The following CACNA1I variants were observed in gnomAD, a reference collection of about 807,000 sequenced individuals.
CACNA1I encodes voltage-dependent T-type calcium channel subunit alpha-1I.
Under a neutral mutation model 201.6 loss-of-function variants are expected in CACNA1I, and 74 were observed. The ratio of observed to expected loss-of-function variants is 0.37; its 90% confidence interval spans 0.30 to 0.45. CACNA1I has a LOEUF of 0.45. Ranked by LOEUF, CACNA1I falls within the 20% of genes least tolerant of loss-of-function variation. The probability of loss-of-function intolerance (pLI) is 1.00; values close to 1 mark genes in which losing one functional copy is unlikely to be tolerated. For synonymous variants in CACNA1I, 1,431 were observed against 1,345.2 expected, an observed-to-expected ratio of 1.06 and a Z score of -1.40; for missense variants, 2,346 against 3,138.1, an observed-to-expected ratio of 0.75 and a Z score of 6.03.
chr22:39,637,480 G>A (rs1321624984), intron 5 of CACNA1I, among the ~76,000 whole-genome samples: 5 of 152,140 alleles, frequency 3.3e-5, no homozygotes, highest in Non-Finnish European at 7.3e-5. Flanking sequence ...CCAGCCTGGC[G>A]TTCAGGGTCA....
intron 3 of CACNA1I, among the ~76,000 whole-genome samples, chr22:39,607,860 C>G (rs1569059738): frequency 6.7e-6 from 1 of 149,688 alleles, no homozygotes; most frequent in East Asian, 1.9e-4. Flanking sequence ...TGCGGTGGCT[C>G]ACACCTGTAA....
chr22:39,634,475 C>G (rs1435412458), intron 4 of CACNA1I, 90 bp from the exon 5 acceptor site: 9 of 1,270,838 alleles, frequency 7.1e-6, no homozygotes, highest in African/African-American at 2.9e-5. Context: ...TCCCCCTCCC[C>G]CTCCCTGTTT....
At chr22:39,660,655 C>A (rs1358187713) in intron 15 of CACNA1I, among the ~76,000 whole-genome samples, 1 of 152,186 alleles carries the variant, frequency 6.6e-6, no homozygotes, top group Non-Finnish European at 1.5e-5. Context: ...ACAGGGGTAG[C>A]CGCAGCCCAC....
At chr22:39,586,896 C>A (rs968059329) in intron 1 of CACNA1I, among the ~76,000 whole-genome samples, 2 of 152,132 alleles carry the variant, frequency 1.3e-5, no homozygotes, top group Admixed American at 1.3e-4. Context: ...CAGCCCCTGC[C>A]CAGGAGTCAA....
rs900727520 is a variant in CACNA1I at position 39,685,426 on chromosome 22, A to G, written c.6028-335A>G. ...GCCAAGGCTGGGGCCGCGTCAGACC[A>G]TGGGGGGTGCGGTGGGGGTGCCACG... is the stretch of plus-strand genomic sequence containing the variant. On this transcript the variant is annotated intron_variant, in intron 36 of 36. Transcript: ENST00000402142. This position sits in a 1 kb window ranked among gnomAD's most constrained non-coding sequence, Gnocchi z 5.0. 1.6e-4 allele frequency among the ~76,000 whole-genome samples: 4 copies of G among 24,290 alleles called. No homozygotes were observed. Among genetic ancestry groups the G allele is most frequent in the Non-Finnish European group, 2.4e-4 (3 of 12,760 alleles). 15.9% of individuals were successfully genotyped at this position (24,290 alleles called of 152,430 possible).
At position 39,598,288 on chromosome 22, in the gene CACNA1I, C is replaced by CCCT; in HGVS notation, c.348+26_348+27insCCT. 17 of 1,215,202 alleles carry CCCT rather than the reference C, an allele frequency of 1.4e-5. 1 individual carries two copies. The highest frequency in any genetic ancestry group is 1.2e-4 in the South Asian group (9 of 75,900). 75.3% of individuals were successfully genotyped at this position (1,215,202 alleles called of 1,614,324 possible). ...GTGAGCCGGCCGCCCCGCCCCGCCC[C>CCCT]GCCCTGCCCTCATCCTCCAGGACCC... On this transcript the variant is annotated intron_variant, in intron 2 of 36. Transcript: ENST00000402142.
intron 5 of CACNA1I, among the ~76,000 whole-genome samples, chr22:39,639,735 C>T (rs908691722): frequency 2.0e-5 from 3 of 152,188 alleles, no homozygotes; most frequent in African/African-American, 7.2e-5. Flanking sequence ...TCCCTCCTTT[C>T]TCTGCAGGTC....
At chr22:39,682,721 G>A (rs926473803) in intron 35 of CACNA1I, 60 bp downstream of exon 35, 1 of 1,468,284 alleles carries the variant, frequency 6.8e-7, no homozygotes, top group Non-Finnish European at 9.3e-7. Flanking sequence ...CTGCTTCAGA[G>A]GGAGATGGCT....
chr22:39,677,382 C>A lies in CACNA1I; in HGVS notation c.4896C>A (p.Ile1632=). ...TCCTCTTCATGCTGCTCTTCTTCAT[C>A]TATGCTGCTCTCGGGGTGGAGCTCT... is the stretch of plus-strand genomic sequence containing the variant. ...LGLLFMLLFF[I]YAALGVELFG... is the part of the protein sequence containing the mutation. The change falls in exon 30 of 37, where the codon ATC becomes ATA. Residue 1632 remains isoleucine, a synonymous_variant. Coordinates refer to ENST00000402142, the MANE Select transcript of CACNA1I (RefSeq NM_021096.4). This position sits in a 1 kb window ranked among gnomAD's most constrained non-coding sequence, Gnocchi z 4.8. 1 of 1,598,710 alleles carries A rather than the reference C, an allele frequency of 6.3e-7. No homozygotes were observed.
intron 3 of CACNA1I, 124 bp from the exon 4 acceptor site, chr22:39,619,186 G>A (rs967244618): frequency 1.1e-5 from 8 of 729,918 alleles, no homozygotes; most frequent in Admixed American, 2.0e-5. Flanking sequence ...CTGGAGATCC[G>A]ACTGCTGTCT....
intron 7 of CACNA1I, 99 bp from the exon 8 acceptor site, chr22:39,646,470 T>C: frequency 2.8e-6 from 4 of 1,454,500 alleles, no homozygotes; most frequent in Non-Finnish European, 3.6e-6. Flanking sequence ...CCTCTCCCCA[T>C]GTCTCCCTGC....
At chr22:39,588,906 A>C (rs1348155339) in intron 1 of CACNA1I, among the ~76,000 whole-genome samples, 2 of 152,160 alleles carry the variant, frequency 1.3e-5, no homozygotes, top group Non-Finnish European at 2.9e-5. Flanking sequence ...TCTGTTTCCC[A>C]GCAGAGATCC....
At chr22:39,615,001 T>G (rs1457292902) in intron 3 of CACNA1I, among the ~76,000 whole-genome samples, 1 of 152,238 alleles carries the variant, frequency 6.6e-6, no homozygotes, top group East Asian at 1.9e-4. Flanking sequence ...AAAGTAACTG[T>G]GTAATTAGGA....
At position 39,682,660 on chromosome 22, in the gene CACNA1I, A is replaced by G. The variant is rs1439238871; in HGVS notation, c.5829A>G (p.Gln1943=). 1.9e-6 allele frequency: 3 copies of G among 1,611,440 alleles called. No homozygotes were observed. The highest frequency in any genetic ancestry group is 3.3e-5 in the Admixed American group (2 of 59,936). The change falls in exon 35 of 37, where the codon CAA becomes CAG. Residue 1943 remains glutamine, a splice_region_variant and synonymous_variant. Coordinates refer to ENST00000402142, the MANE Select transcript of CACNA1I (RefSeq NM_021096.4). ...CCTGGCTGAAACATGACAGCAGTCA[A>G]GGTGAGGGGTGGGAGCCCTGCCAGC... is the stretch of plus-strand genomic sequence containing the variant. ...VRSWLKHDSS[Q]APPSPFSPDA...
chr22:39,672,326 AT>A lies in CACNA1I; in HGVS notation c.4649+20del. The A allele has an allele frequency of 6.6e-7, 1 of 1,519,898 alleles. No homozygotes were observed. The highest frequency in any genetic ancestry group is 9.1e-7 in the Non-Finnish European group (1 of 1,094,996). The allele number at this position is 1,519,898 out of a possible 1,614,324, so 94.2% of individuals were successfully genotyped here. A position where few individuals can be genotyped will look rare whatever the true frequency, so the allele number is the denominator to read the frequency against. On this transcript the variant is annotated intron_variant, in intron 27 of 36. Coordinates refer to ENST00000402142, the MANE Select transcript of CACNA1I (RefSeq NM_021096.4). Reference sequence around the variant, plus strand: ...AAGGACCGGTGAGTGGCCAGGCTGGATTAGGGCAGTAATAGGGTAGACTGCA... The same window carrying A: ...AAGGACCGGTGAGTGGCCAGGCTGGATAGGGCAGTAATAGGGTAGACTGCA...
intron 1 of CACNA1I, among the ~76,000 whole-genome samples, chr22:39,573,609 G>T (rs908387661): frequency 2.6e-5 from 4 of 152,150 alleles, no homozygotes; most frequent in African/African-American, 4.8e-5. Context: ...CACACGCCAT[G>T]GGGGCTGCCT....
intron 4 of CACNA1I, among the ~76,000 whole-genome samples, chr22:39,621,387 G>A (rs897570025): frequency 3.3e-5 from 5 of 152,180 alleles, no homozygotes; most frequent in African/African-American, 1.2e-4. Context: ...TTGGGGCTCT[G>A]TCACCCACCC....
intron 3 of CACNA1I, among the ~76,000 whole-genome samples, chr22:39,611,378 G>A (rs892714647): frequency 2.0e-5 from 3 of 152,148 alleles, no homozygotes; most frequent in Non-Finnish European, 2.9e-5. Context: ...CAGGGCTCGT[G>A]CTCACCCATG....
rs757340954 is a variant in CACNA1I, at chr22:39,660,392, A to G, written c.2653A>G (p.Ile885Val). The change falls in exon 15 of 37, where the codon ATA becomes GTA. Residue 885 changes from isoleucine (I) to valine (V), a missense_variant. This residue lies in a region of CACNA1I where 92 missense variants were observed against 114.5 expected (regional missense o/e 0.80). Transcript: ENST00000402142. ...YSDEDQSSSN[I>V]EEFDKLQEGL... Reference sequence around the variant, plus strand: ...GGACGAGGACCAGAGCTCATCCAACATAGAAGAGTTTGATAAGCTCCAGGA... The same window carrying G: ...GGACGAGGACCAGAGCTCATCCAACGTAGAAGAGTTTGATAAGCTCCAGGA... 4 of 1,612,872 alleles carry G rather than the reference A, an allele frequency of 2.5e-6. No homozygotes were observed. The South Asian group carries it at 4.4e-5, about 18-fold the overall frequency.
Sources: allele counts gnomAD v4.1 joint callset (sites outside exome capture counted in the v4.1 genomes callset), GRCh38; gene constraint gnomAD v4.1.1; regional missense constraint gnomAD v4.1.1; non-coding constraint Gnocchi (gnomAD v3.1); transcripts MANE v1.5; gene names NCBI Gene and HGNC (gene_info 2026-07-23, HGNC 2026-07-21).